The following TRAPPC9 variants were observed in gnomAD, a reference collection of about 807,000 sequenced individuals.
TRAPPC9 encodes the protein IKK2 binding protein.
In TRAPPC9, 83 loss-of-function variants were observed where a neutral mutation model predicts 124.0. The ratio of observed to expected loss-of-function variants is 0.67; its 90% CI spans 0.56 to 0.80. The LOEUF (loss-of-function observed/expected upper bound fraction) is 0.80, where lower values mean the gene tolerates loss of function less well. TRAPPC9 is among the 30% of genes least tolerant of loss of function. The pLI, the probability that TRAPPC9 is intolerant of heterozygous loss-of-function variation, is 0.00. For missense variants in TRAPPC9, 1,302 were observed against 1,508.3 expected (o/e 0.86, Z 2.27); for synonymous variants, 638 against 617.5 (o/e 1.03, Z -0.49).
chr8:140,245,508 A>T (rs1011527391), intron 16 of TRAPPC9, among the ~76,000 whole-genome samples: 2 of 151,986 alleles, frequency 1.3e-5, no homozygotes, highest in Non-Finnish European at 2.9e-5. Flanking sequence ...AAATACACAT[A>T]ATTTAAAGTT....
chr8:139,974,083 G>T (rs753044234), intron 19 of TRAPPC9, among the ~76,000 whole-genome samples: 1 of 152,196 alleles, frequency 6.6e-6, no homozygotes. Context: ...GTCAGGGAGA[G>T]GCGGTGAGGA....
chr8:139,903,943 G>T (rs1173250587), intron 20 of TRAPPC9, among the ~76,000 whole-genome samples: 2 of 152,170 alleles, frequency 1.3e-5, no homozygotes, highest in East Asian at 3.8e-4. Context: ...CCAGGAGGCG[G>T]AGGTTGCAGT....
intron 21 of TRAPPC9, among the ~76,000 whole-genome samples, chr8:139,749,628 C>T (rs958402074): frequency 7.2e-5 from 11 of 152,202 alleles, no homozygotes; most frequent in African/African-American, 2.7e-4. Context: ...TGGGTCAGTG[C>T]TTACGAGGTT....
intron 21 of TRAPPC9, among the ~76,000 whole-genome samples, chr8:139,745,835 C>T (rs760055900): frequency 2.0e-5 from 3 of 152,266 alleles, no homozygotes; most frequent in Non-Finnish European, 4.4e-5. Flanking sequence ...CTCAAATGTA[C>T]AAATCTATAG....
Position 139,786,823 on chromosome 8 carries a change from A to G in TRAPPC9, c.3056-54621T>C, listed in dbSNP as rs186934757. 9.1e-4 allele frequency among the ~76,000 whole-genome samples: 139 copies of G among 152,304 alleles called. 1 individual carries two copies. Among genetic ancestry groups the G allele is most frequent in the Non-Finnish European group, 1.5e-3 (105 of 68,014 alleles). On this transcript the variant is annotated intron_variant, in intron 21 of 22. Coordinates refer to ENST00000438773, the MANE Select transcript of TRAPPC9 (RefSeq NM_001160372.4). Reference sequence around the variant, plus strand: ...AACAGTGTGGGAATCCATTTATTTAAAACTCTAGAAAGTGCAACCTCACCT... The same window carrying G: ...AACAGTGTGGGAATCCATTTATTTAGAACTCTAGAAAGTGCAACCTCACCT...
At chr8:140,007,265 C>T (rs1838821471) in intron 18 of TRAPPC9, among the ~76,000 whole-genome samples, 1 of 152,212 alleles carries the variant, frequency 6.6e-6, no homozygotes, top group Admixed American at 6.5e-5. Context: ...AGTAACTCTG[C>T]AATTGTGCCT....
chr8:139,958,810 G>A (rs1234062279), intron 19 of TRAPPC9, among the ~76,000 whole-genome samples: 1 of 152,238 alleles, frequency 6.6e-6, no homozygotes, highest in African/African-American at 2.4e-5. Context: ...GAAAAGGGGA[G>A]TTGTGTAGAC....
intron 17 of TRAPPC9, among the ~76,000 whole-genome samples, chr8:140,187,405 G>A (rs1420003451): frequency 6.6e-6 from 1 of 152,106 alleles, no homozygotes; most frequent in Non-Finnish European, 1.5e-5. Flanking sequence ...TTCGGAGTTG[G>A]GACGCTCGAC....
intron 17 of TRAPPC9, among the ~76,000 whole-genome samples, chr8:140,208,917 A>C (rs1041884584): frequency 6.6e-6 from 1 of 152,230 alleles, no homozygotes; most frequent in East Asian, 1.9e-4. Flanking sequence ...TTTCATATGC[A>C]GGGGTTCTGC....
chr8:140,192,312 G>A (rs1377911360), intron 17 of TRAPPC9, among the ~76,000 whole-genome samples: 1 of 152,204 alleles, frequency 6.6e-6, no homozygotes, highest in African/African-American at 2.4e-5. Flanking sequence ...ACTGAAAATG[G>A]TTTCCCCACA....
chr8:140,379,115 T>TC (rs1351155971), intron 7 of TRAPPC9, among the ~76,000 whole-genome samples: 1 of 151,658 alleles, frequency 6.6e-6, no homozygotes, highest in African/African-American at 2.4e-5. Flanking sequence ...TTTTTTTTTT[T>TC]CATTAAAAAA....
At chr8:140,388,847 C>CAAAA (rs59649390) in intron 7 of TRAPPC9, among the ~76,000 whole-genome samples, 11 of 61,020 alleles carry the variant, frequency 1.8e-4, no homozygotes, top group East Asian at 6.0e-4. Context: ...GAGACTCCAT[C>CAAAA]AAAAAAAAAA....
Position 139,984,127 on chromosome 8 carries a change from A to G in TRAPPC9, c.2810+4599T>C, listed in dbSNP as rs150678666. Among the ~76,000 whole-genome samples, 7 of 152,176 alleles carry G rather than the reference A, an allele frequency of 4.6e-5. No homozygotes were observed. The East Asian group carries it at 1.2e-3, about 25-fold the overall frequency. Reference sequence around the variant, plus strand: ...GGGAGGAGAGGCGGCAGGCACCACAATTATCTAACTGGGGTTGGTCTCTCA... The same window carrying G: ...GGGAGGAGAGGCGGCAGGCACCACAGTTATCTAACTGGGGTTGGTCTCTCA... On this transcript the variant is annotated intron_variant, in intron 19 of 22. Coordinates refer to ENST00000438773, the MANE Select transcript of TRAPPC9 (RefSeq NM_001160372.4). The surrounding 1 kb of genome is among the most constrained non-coding windows in gnomAD (Gnocchi z 4.3).
chr8:140,296,918 CA>C (rs1314180274), intron 11 of TRAPPC9, among the ~76,000 whole-genome samples: 1 of 152,216 alleles, frequency 6.6e-6, no homozygotes, highest in Non-Finnish European at 1.5e-5. Context: ...TAGAAGGTCC[CA>C]GGGGGAAGAG....
chr8:140,205,353 G>C (rs552813487), intron 17 of TRAPPC9, among the ~76,000 whole-genome samples: 7 of 152,090 alleles, frequency 4.6e-5, no homozygotes, highest in Non-Finnish European at 1.0e-4. Context: ...TTTTTGCTTT[G>C]TAAGAACAAG....
At chr8:140,006,798 T>C (rs1838787283) in intron 18 of TRAPPC9, among the ~76,000 whole-genome samples, 1 of 152,044 alleles carries the variant, frequency 6.6e-6, no homozygotes, top group East Asian at 1.9e-4. Flanking sequence ...AGATTAGTGG[T>C]AGATTAGTGG....
At chr8:140,405,843 G>T in intron 5 of TRAPPC9, 145 bp from the exon 6 acceptor site, 1 of 896,158 alleles carries the variant, frequency 1.1e-6, no homozygotes, top group Non-Finnish European at 1.7e-6. Context: ...CAGCTTATAT[G>T]CTTCCTATAA....
chr8:140,388,913 T>C (rs2068837942), intron 7 of TRAPPC9, among the ~76,000 whole-genome samples: 1 of 147,794 alleles, frequency 6.8e-6, no homozygotes, highest in African/African-American at 2.5e-5. Flanking sequence ...CATGAAAACA[T>C]GACGCTAAGT....
chr8:140,380,857 T>G (rs1303915473), intron 7 of TRAPPC9, among the ~76,000 whole-genome samples: 1 of 151,600 alleles, frequency 6.6e-6, no homozygotes, highest in Non-Finnish European at 1.5e-5. Flanking sequence ...AAAAAATAAA[T>G]AAATTAGACT....
Sources: allele counts gnomAD v4.1 joint callset (sites outside exome capture counted in the v4.1 genomes callset), GRCh38; gene constraint gnomAD v4.1.1; non-coding constraint Gnocchi (gnomAD v3.1); transcripts MANE v1.5; gene names NCBI Gene and HGNC (gene_info 2026-07-23, HGNC 2026-07-21).